FRAS1: variants seen among roughly 807,000 people sequenced by gnomAD.
FRAS1 encodes the protein extracellular matrix organizing protein FRAS1.
In FRAS1, 290 loss-of-function variants were observed where a neutral mutation model predicts 435.2. That is an observed-to-expected ratio of 0.67 (90% CI 0.61 to 0.73). The LOEUF (loss-of-function observed/expected upper bound fraction) is 0.73, where lower values mean the gene tolerates loss of function less well. Ranked by LOEUF, FRAS1 falls within the 30% of genes least tolerant of loss-of-function variation. FRAS1 has a pLI of 0.00. For synonymous variants in FRAS1, 1,800 were observed against 1,851.0 expected, an observed-to-expected ratio of 0.97 and a Z score of 0.71; for missense variants, 4,860 against 5,001.5, an observed-to-expected ratio of 0.97 and a Z score of 0.85.
chr4:78,322,079 AAG>A (rs1003655398), intron 18 of FRAS1, among the ~76,000 whole-genome samples: 2 of 152,208 alleles, frequency 1.3e-5, no homozygotes, highest in Non-Finnish European at 2.9e-5. Context: ...ATGTGGCAGA[AAG>A]AGGTTAATTG....
chr4:78,132,079 G>A (rs1385856514), intron 2 of FRAS1, among the ~76,000 whole-genome samples: 2 of 152,172 alleles, frequency 1.3e-5, no homozygotes, highest in Non-Finnish European at 2.9e-5. Context: ...CTTACTGTGT[G>A]TGGTTGAGGT....
At chr4:78,226,767 T>G (rs1367347823) in intron 2 of FRAS1, among the ~76,000 whole-genome samples, 1 of 152,160 alleles carries the variant, frequency 6.6e-6, no homozygotes, top group Non-Finnish European at 1.5e-5. Context: ...TTAAAAAAAT[T>G]TTGTTTCCGC....
chr4:78,099,065 A>G (rs1741973730), intron 2 of FRAS1, among the ~76,000 whole-genome samples: 1 of 152,270 alleles, frequency 6.6e-6, no homozygotes. Flanking sequence ...GCATTAACAG[A>G]TTCTTAAAAT....
intron 29 of FRAS1, among the ~76,000 whole-genome samples, chr4:78,390,531 A>G (rs1212173998): frequency 6.6e-6 from 1 of 152,204 alleles, no homozygotes; most frequent in Non-Finnish European, 1.5e-5. Flanking sequence ...GGTCATATAT[A>G]TTCTTATCCC....
rs577711792 is a variant in FRAS1 at position 78,274,488 on chromosome 4, G to A, written c.982-4167G>A. ...TTTCCCTCTACACACTGCTTTACAT[G>A]TGTCCCAGAGATTCTGGTATGTTGT... On this transcript the variant is annotated intron_variant, in intron 9 of 73. Transcript: ENST00000512123. Among the ~76,000 whole-genome samples the A allele has an allele frequency of 5.4e-3, 822 of 152,198 alleles. 2 individuals are homozygous for A. Among genetic ancestry groups the A allele is most frequent in the Non-Finnish European group, 8.6e-3 (582 of 68,016 alleles).
chr4:78,143,374 A>G (rs1720270505), intron 2 of FRAS1, among the ~76,000 whole-genome samples: 1 of 152,190 alleles, frequency 6.6e-6, no homozygotes, highest in African/African-American at 2.4e-5. Flanking sequence ...AAATAGACAA[A>G]CACAATTACA....
intron 27 of FRAS1, among the ~76,000 whole-genome samples, chr4:78,380,830 A>G (rs1731985046): frequency 6.6e-6 from 1 of 152,134 alleles, no homozygotes; most frequent in South Asian, 2.1e-4. Flanking sequence ...GGGCTGGGAG[A>G]TAGGTGAGGA....
intron 53 of FRAS1, among the ~76,000 whole-genome samples, chr4:78,473,964 T>C (rs1390119591): frequency 6.6e-6 from 1 of 152,214 alleles, no homozygotes; most frequent in African/African-American, 2.4e-5. Flanking sequence ...GCTCTACTGC[T>C]GCTCAGACAA....
intron 2 of FRAS1, among the ~76,000 whole-genome samples, chr4:78,214,073 G>A (rs1723635763): frequency 1.3e-5 from 2 of 152,186 alleles, no homozygotes; most frequent in Admixed American, 1.3e-4. Context: ...TTGGTGGGAG[G>A]AGCTGACTTT....
At position 78,441,559 on chromosome 4, in the gene FRAS1, T is replaced by TG. The variant is rs553595500; in HGVS notation, c.5665+269dup. On this transcript the variant is annotated intron_variant, in intron 41 of 73. Transcript: ENST00000512123. ...CCCTTCACAGTGCCTTCAATTCTGG[T>TG]GGGGGGGTGAGAGACAAATTAAAAA... is the stretch of plus-strand genomic sequence containing the variant. 7.7e-4 allele frequency among the ~76,000 whole-genome samples: 117 copies of TG among 151,878 alleles called. No homozygotes were observed. In the East Asian group the frequency reaches 0.011, roughly 14 times the overall value.
intron 2 of FRAS1, among the ~76,000 whole-genome samples, chr4:78,166,690 C>T (rs1721345182): frequency 6.6e-6 from 1 of 152,168 alleles, no homozygotes. Context: ...ATTTCAACCA[C>T]TAGTAAAGTG....
chr4:78,522,850 GT>G, intron 69 of FRAS1, 42 bp downstream of exon 69: 3 of 1,504,918 alleles, frequency 2.0e-6, no homozygotes, highest in Non-Finnish European at 2.7e-6. Flanking sequence ...GAGCTGAATG[GT>G]TTTCCATTTC....
intron 48 of FRAS1, 33 bp from the exon 49 acceptor site, chr4:78,464,410 A>C: frequency 6.2e-7 from 1 of 1,613,572 alleles, no homozygotes; most frequent in East Asian, 2.2e-5. Flanking sequence ...TGCTAGGGAC[A>C]GGTGTCCCAC....
At chr4:78,236,706 T>A (rs6853099) in intron 2 of FRAS1, among the ~76,000 whole-genome samples, 38,490 of 152,028 alleles carry the variant, frequency 0.25, 5,477 homozygotes, top group Non-Finnish European at 0.31. Context: ...ACAACTGAAA[T>A]GTGGATTCAG....
chr4:78,066,944 TTTTAAATATTTTTC>T (rs1184844733), intron 2 of FRAS1, among the ~76,000 whole-genome samples: 1 of 152,198 alleles, frequency 6.6e-6, no homozygotes, highest in Non-Finnish European at 1.5e-5. Flanking sequence ...GAAGTTTATT[TTTTAAATATTTTTC>T]TATCAAAAAT....
intron 2 of FRAS1, among the ~76,000 whole-genome samples, chr4:78,122,737 G>A (rs1719102541): frequency 6.6e-6 from 1 of 152,148 alleles, no homozygotes; most frequent in Admixed American, 6.5e-5. Context: ...GTGATGATGA[G>A]CCTTTTTTCA....
intron 2 of FRAS1, among the ~76,000 whole-genome samples, chr4:78,136,603 C>T (rs1407566187): frequency 6.6e-6 from 1 of 152,162 alleles, no homozygotes; most frequent in African/African-American, 2.4e-5. Flanking sequence ...TCTAATCTCT[C>T]CAGTTCTTGA....
intron 2 of FRAS1, chr4:78,181,376 C>T: frequency 6.2e-7 from 1 of 1,611,930 alleles, no homozygotes; most frequent in Non-Finnish European, 8.5e-7. Context: ...GACAGTTCCC[C>T]AGTTGTGAGA....
chr4:78,420,914 A>ATT (rs1228322196), intron 33 of FRAS1, among the ~76,000 whole-genome samples: 2 of 95,386 alleles, frequency 2.1e-5, no homozygotes, highest in Non-Finnish European at 4.8e-5. Context: ...ATATATATAT[A>ATT]TATATATTTA....
Sources: allele counts gnomAD v4.1 joint callset (sites outside exome capture counted in the v4.1 genomes callset), GRCh38; gene constraint gnomAD v4.1.1; transcripts MANE v1.5; gene names NCBI Gene and HGNC (gene_info 2026-07-23, HGNC 2026-07-21).